Variants in COX15 observed in about 807,000 individuals in gnomAD.
COX15 encodes cytochrome c oxidase assembly factor COX15.
COX15 carries 51 observed loss-of-function variants against 51.9 expected under a neutral mutation model. The observed-to-expected ratio is 0.98, with a 90% confidence interval of 0.78 to 1.24. COX15 has a LOEUF of 1.24. Ranked by LOEUF, COX15 falls within the 50% of genes most tolerant of loss-of-function variation. The probability of loss-of-function intolerance (pLI) is 0.00; values close to 1 mark genes in which losing one functional copy is unlikely to be tolerated. For synonymous variants in COX15, 188 were observed against 190.5 expected, an observed-to-expected ratio of 0.99 and a Z score of 0.11; for missense variants, 420 against 501.1, an observed-to-expected ratio of 0.84 and a Z score of 1.55.
chr10:99,708,573 G>GA (rs1186829926), downstream of COX15, among the ~76,000 whole-genome samples: 7 of 152,190 alleles, frequency 4.6e-5, no homozygotes, highest in Non-Finnish European at 1.5e-5. Flanking sequence ...AGACAAGGTA[G>GA]AAAAATCATA....
the COX15 span, chr10:99,698,678 G>T: frequency 6.2e-7 from 1 of 1,614,210 alleles, no homozygotes; most frequent in South Asian, 1.1e-5. Flanking sequence ...GTGGGGCAAT[G>T]CTGAGCCCCC....
At chr10:99,697,037 C>G in the COX15 span, among the ~76,000 whole-genome samples, 5 of 152,202 alleles carry the variant, frequency 3.3e-5, no homozygotes, top group Admixed American at 3.3e-4. Context: ...CGAACACTAG[C>G]TTGAAGAAGT....
chr10:99,710,530 T>C (rs1005215513), downstream of COX15: 41 of 985,308 alleles, frequency 4.2e-5, no homozygotes, highest in East Asian at 1.1e-4. Flanking sequence ...CTGCTTCACA[T>C]TAAACAATAA....
rs779276164 is a variant in COX15, at chr10:99,727,149, T to G, written c.401A>C (p.Asn134Thr). 6.2e-7 allele frequency: 1 copy of G among 1,614,046 alleles called. No homozygotes were observed. Among genetic ancestry groups the G allele is most frequent in the African/African-American group, 1.3e-5 (1 of 74,926 alleles). The change falls in exon 4 of 9, where the codon AAT (asparagine) becomes ACT (threonine). Residue 134 changes from asparagine to threonine, a missense_variant. Coordinates refer to ENST00000016171, the MANE Select transcript of COX15 (RefSeq NM_078470.6). ...YQQFPEFKIL[N>T]HDMTLTEFKF... ...GAATTCTGTCAGTGTCATATCATGA[T>G]TCAAGCTGGGTGAAATGGAAAGTCA... is the stretch of plus-strand genomic sequence containing the variant.
intron 4 of COX15, among the ~76,000 whole-genome samples, chr10:99,726,162 A>G (rs2133616067): frequency 6.6e-6 from 1 of 152,270 alleles, no homozygotes; most frequent in Middle Eastern, 3.4e-3. Context: ...GTATTCTACA[A>G]TCCTTCATCC....
chr10:99,723,834 C>T, intron 5 of COX15, 122 bp downstream of exon 5: 1 of 1,083,490 alleles, frequency 9.2e-7, no homozygotes, highest in Non-Finnish European at 1.4e-6. Flanking sequence ...TTCACCTTTG[C>T]CAATAGAAAA....
chr10:99,712,723 G>A lies in COX15; in HGVS notation c.*1864C>T, dbSNP rs2133559486. 3.4e-6 allele frequency: 2 copies of A among 592,198 alleles called. No homozygotes were observed. The allele number at this position is 592,198 out of a possible 1,614,324, so 36.7% of individuals were successfully genotyped here. On this transcript the variant is annotated 3_prime_UTR_variant, in exon 9 of 9. Transcript: ENST00000016171. ...GAACTCAGCAGTATAGTCCGAGCTGGGGCACCTGCTCGCCAGTGTTACTGT... is the reference window on the plus strand; with the variant it reads ...GAACTCAGCAGTATAGTCCGAGCTGAGGCACCTGCTCGCCAGTGTTACTGT...
chr10:99,699,497 G>A, the COX15 span, among the ~76,000 whole-genome samples: 1 of 152,138 alleles, frequency 6.6e-6, no homozygotes, highest in Non-Finnish European at 1.5e-5. Flanking sequence ...TTTATTTAGG[G>A]CCATCTCTTT....
downstream of COX15, chr10:99,709,183 C>G (rs1436847811): frequency 3.0e-6 from 3 of 985,278 alleles, no homozygotes; most frequent in Non-Finnish European, 3.6e-6. Flanking sequence ...CCTATTACAT[C>G]TACCTCATTA....
chr10:99,709,767 T>A (rs200422911), downstream of COX15: 7 of 985,218 alleles, frequency 7.1e-6, no homozygotes, highest in East Asian at 6.8e-4. Flanking sequence ...CCTAATAGAC[T>A]TCTCTTGTGT....
chr10:99,716,664 G>A (rs900889056), intron 7 of COX15: 16 of 520,620 alleles, frequency 3.1e-5, no homozygotes, highest in South Asian at 2.0e-4. Flanking sequence ...CTTAAACGTC[G>A]GTATCACCCA....
intron 4 of COX15, 86 bp downstream of exon 4, chr10:99,726,882 C>A (rs1396165247): frequency 1.7e-6 from 2 of 1,169,262 alleles, no homozygotes; most frequent in African/African-American, 2.2e-5. Context: ...AGCGAGACTC[C>A]GTCTCAAAAA....
At chr10:99,727,220 G>T in intron 3 of COX15, 66 bp from the exon 4 acceptor site, 1 of 1,569,532 alleles carries the variant, frequency 6.4e-7, no homozygotes, top group Non-Finnish European at 8.7e-7. Context: ...ATTTTCTTAC[G>T]GAATGCAAAA....
chr10:99,725,383 A>G lies in COX15; in HGVS notation c.583-1260T>C, dbSNP rs2036916129. Among the ~76,000 whole-genome samples the G allele has an allele frequency of 2.0e-5, 3 of 152,166 alleles. No individual in the cohort carries two copies. In the East Asian group the frequency reaches 5.8e-4, roughly 29 times the overall value. ...ACTTTCTTCTCCCATACCTTATCTG[A>G]CATCTTTAATTTCTGCCTCCCTAAT... On this transcript the variant is annotated intron_variant, in intron 4 of 8. Coordinates refer to ENST00000016171, the MANE Select transcript of COX15 (RefSeq NM_078470.6).
the COX15 span, chr10:99,701,182 GA>G: frequency 1.1e-6 from 1 of 908,318 alleles, no homozygotes; most frequent in Admixed American, 2.2e-5. Context: ...TTCCAGACTT[GA>G]TTTTCTCAGG....
chr10:99,731,367 C>T (rs2037138715), intron 1 of COX15, among the ~76,000 whole-genome samples: 1 of 152,178 alleles, frequency 6.6e-6, no homozygotes, highest in African/African-American at 2.4e-5. Flanking sequence ...CTGACTTCCT[C>T]CAGGGCAGGA....
the COX15 span, chr10:99,698,565 G>A: frequency 2.0e-5 from 32 of 1,613,874 alleles, no homozygotes; most frequent in Admixed American, 3.3e-5. Context: ...TCTGAGTCCC[G>A]ACAATCCATT....
At chr10:99,719,430 G>T (rs547709750) in intron 6 of COX15, among the ~76,000 whole-genome samples, 2 of 152,108 alleles carry the variant, frequency 1.3e-5, no homozygotes, top group East Asian at 3.9e-4. Flanking sequence ...CCAACCTCAG[G>T]TGATCCGCCT....
At chr10:99,706,817 G>T (rs1242620748), downstream of COX15, among the ~76,000 whole-genome samples, 1 of 152,088 alleles carries the variant, frequency 6.6e-6, no homozygotes, top group Non-Finnish European at 1.5e-5. Flanking sequence ...GTTTTCTTTT[G>T]CTCTCATCTT....
Sources: allele counts gnomAD v4.1 joint callset (sites outside exome capture counted in the v4.1 genomes callset), GRCh38; gene constraint gnomAD v4.1.1; transcripts MANE v1.5; gene names NCBI Gene and HGNC (gene_info 2026-07-23, HGNC 2026-07-21).